Variants in RORA observed in about 807,000 individuals in gnomAD.
The protein encoded by RORA is nuclear receptor ROR-alpha.
Under a neutral mutation model 69.5 loss-of-function variants are expected in RORA, and 7 were observed. That is an observed-to-expected ratio of 0.10 (90% CI 0.06 to 0.19). The LOEUF (loss-of-function observed/expected upper bound fraction) is 0.19. Ranked by LOEUF, RORA falls within the 10% of genes least tolerant of loss-of-function variation. The pLI is 1.00. For synonymous variants in RORA, 261 were observed against 240.8 expected, an observed-to-expected ratio of 1.08 and a Z score of -0.78; for missense variants, 457 against 663.0, an observed-to-expected ratio of 0.69 and a Z score of 3.41.
intron 8 of RORA, 94 bp downstream of exon 8, chr15:60,502,666 A>G (rs1483629962): frequency 8.5e-6 from 7 of 826,532 alleles, no homozygotes; most frequent in Non-Finnish European, 1.2e-5. Flanking sequence ...GTTTCTAAAT[A>G]AAGTTTTCAT....
chr15:60,640,689 C>T (rs530305244), intron 2 of RORA, among the ~76,000 whole-genome samples: 31 of 152,104 alleles, frequency 2.0e-4, no homozygotes, highest in African/African-American at 7.0e-4. Flanking sequence ...TTATTTCTAC[C>T]GCAGGGCCTT....
chr15:61,223,237 C>G (rs1318807223), intron 1 of RORA, among the ~76,000 whole-genome samples: 1 of 149,762 alleles, frequency 6.7e-6, no homozygotes, highest in Non-Finnish European at 1.5e-5. Flanking sequence ...TTGCTTGAAC[C>G]CGGGAGGCAG....
chr15:60,528,502 A>G (rs1018144468), intron 3 of RORA: 2 of 152,200 alleles, frequency 1.3e-5, no homozygotes, highest in Non-Finnish European at 2.9e-5. Context: ...GTGGTCTTCT[A>G]TGTCTTTGGA....
intron 2 of RORA, among the ~76,000 whole-genome samples, chr15:60,640,401 T>C (rs1277792980): frequency 6.6e-6 from 1 of 152,202 alleles, no homozygotes; most frequent in Non-Finnish European, 1.5e-5. Context: ...GTTTTCCTCC[T>C]TCTGTTTTTA....
At chr15:61,022,682 C>G (rs933113588) in intron 1 of RORA, among the ~76,000 whole-genome samples, 1 of 152,096 alleles carries the variant, frequency 6.6e-6, no homozygotes, top group African/African-American at 2.4e-5. Context: ...ACCCCCTAGA[C>G]ACATTGTGGC....
intron 1 of RORA, among the ~76,000 whole-genome samples, chr15:60,808,693 TTA>T (rs926405897): frequency 6.7e-6 from 1 of 149,164 alleles, no homozygotes; most frequent in Non-Finnish European, 1.5e-5. Flanking sequence ...CATATATATG[TTA>T]TATATATGTT....
intron 1 of RORA, among the ~76,000 whole-genome samples, chr15:61,157,111 G>A (rs972072769): frequency 3.3e-5 from 5 of 152,128 alleles, no homozygotes; most frequent in African/African-American, 4.8e-5. Flanking sequence ...GGTAGCACAC[G>A]GCACATGGTA....
At chr15:60,868,018 A>G (rs948770295) in intron 1 of RORA, among the ~76,000 whole-genome samples, 2 of 152,228 alleles carry the variant, frequency 1.3e-5, no homozygotes, top group Non-Finnish European at 2.9e-5. Flanking sequence ...GTTATATATC[A>G]GAAGTTTCCT....
At chr15:60,860,005 T>G (rs2073421715) in intron 1 of RORA, among the ~76,000 whole-genome samples, 1 of 152,148 alleles carries the variant, frequency 6.6e-6, no homozygotes, top group Non-Finnish European at 1.5e-5. Context: ...AACCACAACC[T>G]GGACCGGGAA....
intron 1 of RORA, among the ~76,000 whole-genome samples, chr15:60,680,675 A>C (rs578074763): frequency 1.8e-4 from 28 of 152,322 alleles, no homozygotes; most frequent in African/African-American, 6.3e-4. Context: ...TGGAGTTGCC[A>C]GATTTAGTAG....
At chr15:61,137,709 C>T (rs559833705) in intron 1 of RORA, among the ~76,000 whole-genome samples, 1 of 152,178 alleles carries the variant, frequency 6.6e-6, no homozygotes, top group South Asian at 2.1e-4. Context: ...ATGAGTGCCA[C>T]TCTTGCTGAA....
At chr15:60,839,863 T>C (rs1161263719) in intron 1 of RORA, among the ~76,000 whole-genome samples, 1 of 152,090 alleles carries the variant, frequency 6.6e-6, no homozygotes, top group African/African-American at 2.4e-5. Flanking sequence ...AGGTATGGAG[T>C]GTCTAGTATG....
intron 1 of RORA, among the ~76,000 whole-genome samples, chr15:60,919,055 C>A (rs934606269): frequency 6.6e-6 from 1 of 152,132 alleles, no homozygotes; most frequent in Non-Finnish European, 1.5e-5. Context: ...AGACATGCGG[C>A]TTATATAATA....
chr15:61,032,417 G>A (rs545871457), intron 1 of RORA, among the ~76,000 whole-genome samples: 1 of 152,328 alleles, frequency 6.6e-6, no homozygotes, highest in African/African-American at 2.4e-5. Context: ...AACCTTGAAA[G>A]TGAATTAGAG....
chr15:60,975,638 G>A (rs761727515), intron 1 of RORA, among the ~76,000 whole-genome samples: 6 of 152,166 alleles, frequency 3.9e-5, no homozygotes, highest in Non-Finnish European at 5.9e-5. Context: ...GGCTAAGCTG[G>A]ATTTCTGGGG....
At chr15:60,998,473 C>G (rs1028697865) in intron 1 of RORA, among the ~76,000 whole-genome samples, 1 of 151,874 alleles carries the variant, frequency 6.6e-6, no homozygotes, top group Non-Finnish European at 1.5e-5. Flanking sequence ...TCTCAGCTCA[C>G]TGCAACTTCT....
chr15:60,961,662 A>T lies in RORA; in HGVS notation c.166+267391T>A, dbSNP rs557362227. Among the ~76,000 whole-genome samples, 10 of 152,300 alleles carry T rather than the reference A, an allele frequency of 6.6e-5. No individual in the cohort carries two copies. In the South Asian group the frequency reaches 1.7e-3, roughly 25 times the overall value. On this transcript the variant is annotated intron_variant, in intron 1 of 10. Transcript: ENST00000335670. ...GGAAAGGAGGAGGGAGGAAGAGGGGAAAGAAGCCATTATGGCTTTAATAGT... is the reference window on the plus strand; with the variant it reads ...GGAAAGGAGGAGGGAGGAAGAGGGGTAAGAAGCCATTATGGCTTTAATAGT...
intron 1 of RORA, among the ~76,000 whole-genome samples, chr15:60,748,126 AT>A (rs1222136949): frequency 1.3e-5 from 2 of 152,230 alleles, no homozygotes; most frequent in Non-Finnish European, 2.9e-5. Context: ...ATCCTTTGCC[AT>A]TATAAAATAA....
intron 2 of RORA, among the ~76,000 whole-genome samples, chr15:60,626,756 T>C (rs2069593360): frequency 6.6e-6 from 1 of 152,188 alleles, no homozygotes; most frequent in Admixed American, 6.5e-5. Context: ...CAGAACAGTT[T>C]CTCTGCCTTA....
Sources: allele counts gnomAD v4.1 joint callset (sites outside exome capture counted in the v4.1 genomes callset), GRCh38; gene constraint gnomAD v4.1.1; transcripts MANE v1.5; gene names NCBI Gene and HGNC (gene_info 2026-07-23, HGNC 2026-07-21).